Variants in TCF20 observed in about 807,000 individuals in gnomAD.
The protein encoded by TCF20 is transcription factor 20.
A neutral mutation model predicts 148.6 loss-of-function variants in TCF20; 3 were observed. That is an observed-to-expected ratio of 0.02 (90% CI 0.01 to 0.05). The LOEUF (loss-of-function observed/expected upper bound fraction) is 0.05. Among genes scored for constraint, TCF20 ranks in the 10% least tolerant of loss-of-function variants. TCF20 has a pLI of 1.00. For synonymous variants in TCF20, 1,049 were observed against 909.5 expected, an observed-to-expected ratio of 1.15 and a Z score of -2.76; for missense variants, 2,350 against 2,429.3, an observed-to-expected ratio of 0.97 and a Z score of 0.69.
intron 3 of TCF20, among the ~76,000 whole-genome samples, chr22:42,171,381 T>C (rs762547465): frequency 3.9e-5 from 6 of 152,196 alleles, no homozygotes; most frequent in African/African-American, 9.7e-5. Flanking sequence ...TCAAGTGCAA[T>C]AGTAATAAGC....
chr22:42,190,449 G>C (rs546867651), intron 2 of TCF20, among the ~76,000 whole-genome samples: 1 of 134,088 alleles, frequency 7.5e-6, no homozygotes, highest in African/African-American at 2.6e-5. Flanking sequence ...GACAGGGCAA[G>C]ACCTTGACTG....
intron 1 of TCF20, among the ~76,000 whole-genome samples, chr22:42,239,053 G>A (rs1924145474): frequency 6.6e-6 from 1 of 152,056 alleles, no homozygotes; most frequent in Non-Finnish European, 1.5e-5. Flanking sequence ...GGCAGGCAGA[G>A]CTTGCAGTGA....
intron 1 of TCF20, among the ~76,000 whole-genome samples, chr22:42,324,720 A>AATAATCTCCACCATCTGAGAAT (rs1361925603): frequency 6.6e-6 from 1 of 152,236 alleles, no homozygotes; most frequent in East Asian, 1.9e-4. Context: ...CATCTGAGAA[A>AATAATCTCCACCATCTGAGAAT]ATAATCTCCA....
chr22:42,177,444 T>C (rs1324716478), intron 3 of TCF20, among the ~76,000 whole-genome samples: 1 of 151,966 alleles, frequency 6.6e-6, no homozygotes, highest in Non-Finnish European at 1.5e-5. Flanking sequence ...CTTAATAAAC[T>C]TGAAATTAAC....
chr22:42,187,252 TC>T (rs915330186), intron 2 of TCF20, among the ~76,000 whole-genome samples: 3 of 152,120 alleles, frequency 2.0e-5, no homozygotes, highest in African/African-American at 7.2e-5. Flanking sequence ...GTCATCTGCT[TC>T]CCTCCAATAC....
chr22:42,280,323 A>T (rs969689643), intron 1 of TCF20, among the ~76,000 whole-genome samples: 2 of 151,994 alleles, frequency 1.3e-5, no homozygotes, highest in African/African-American at 4.8e-5. Context: ...TGTGTAGGTG[A>T]CTCCGCCACG....
chr22:42,189,709 CT>C (rs1465662033), intron 2 of TCF20, among the ~76,000 whole-genome samples: 1 of 152,198 alleles, frequency 6.6e-6, no homozygotes, highest in Non-Finnish European at 1.5e-5. Flanking sequence ...TGCTAGCAAG[CT>C]TTTTTTCCGT....
chr22:42,208,029 A>G (rs1461965828), intron 2 of TCF20, among the ~76,000 whole-genome samples: 8 of 152,214 alleles, frequency 5.3e-5, no homozygotes, highest in Non-Finnish European at 4.4e-5. Context: ...CTGTCTCTAC[A>G]AAAAGTAAAA....
chr22:42,211,008 G>T lies in TCF20; in HGVS notation c.4298C>A (p.Ser1433Tyr). 3.7e-6 allele frequency: 6 copies of T among 1,614,138 alleles called. No individual in the cohort carries two copies. The highest frequency in any genetic ancestry group is 5.1e-6 in the Non-Finnish European group (6 of 1,180,036). Residue 1433 changes from serine (S) to tyrosine (Y), a missense_variant, in exon 2 of 6, where the codon TCT becomes TAT. Physicochemically the swap from Ser to Tyr is moderately radical, Grantham distance 144. Around this residue, in one of 7 missense-constraint regions of TCF20, gnomAD observed 231 missense variants for 213.7 expected, o/e 1.08. Transcript: ENST00000677622. ...CACGCTGCCACGCCACTCTTCTGAA[G>T]ACCTTGGAAGAGGTTTCTCTACGTG... ...ELHVEKPLPRSSEEWRGSVDD... is the reference protein window; with the variant it reads ...ELHVEKPLPRYSEEWRGSVDD...
intron 1 of TCF20, among the ~76,000 whole-genome samples, chr22:42,233,179 C>G (rs1923588103): frequency 6.6e-6 from 1 of 152,160 alleles, no homozygotes; most frequent in Non-Finnish European, 1.5e-5. Context: ...GCCTCGGCCT[C>G]CCAAAGTGCT....
chr22:42,163,193 C>T (rs1448216772), intron 5 of TCF20, among the ~76,000 whole-genome samples: 3 of 152,206 alleles, frequency 2.0e-5, no homozygotes, highest in East Asian at 1.9e-4. Flanking sequence ...GACCCCACAC[C>T]AGCTCCCCAG....
intron 2 of TCF20, among the ~76,000 whole-genome samples, chr22:42,189,736 CTAAAG>C (rs913320406): frequency 6.6e-6 from 1 of 152,172 alleles, no homozygotes; most frequent in African/African-American, 2.4e-5. Flanking sequence ...TTTACTTCTC[CTAAAG>C]TAGAGGACAA....
At chr22:42,194,075 C>CA (rs1343436477) in intron 2 of TCF20, among the ~76,000 whole-genome samples, 1 of 152,154 alleles carries the variant, frequency 6.6e-6, no homozygotes, top group African/African-American at 2.4e-5. Flanking sequence ...CTAAAGGCAA[C>CA]AACTGGGTGT....
In TCF20 at chr22:42,257,061, G is replaced by A. The variant is rs374571772; in HGVS notation, c.-37+13278C>T. On this transcript the variant is annotated intron_variant, in intron 1 of 5. Transcript: ENST00000677622. ...TGTAGTCGCAGATACTCAGGAGGCC[G>A]AGGAAGGAAGATCATTTGAGTCCAG... Among the ~76,000 whole-genome samples the A allele has an allele frequency of 1.6e-4, 25 of 152,294 alleles. No homozygotes were observed. The East Asian group carries it at 4.4e-3, about 27-fold the overall frequency.
chr22:42,335,744 C>T (rs1466000745), intron 1 of TCF20, among the ~76,000 whole-genome samples: 3 of 152,122 alleles, frequency 2.0e-5, no homozygotes, highest in Non-Finnish European at 4.4e-5. Context: ...GGCAGAAGCA[C>T]AGGACGTGAG....
At chr22:42,252,793 G>A (rs1464091726) in intron 1 of TCF20, among the ~76,000 whole-genome samples, 1 of 151,804 alleles carries the variant, frequency 6.6e-6, no homozygotes, top group Non-Finnish European at 1.5e-5. Context: ...TAACAATCTT[G>A]GCATTTTTAA....
chr22:42,181,164 C>T (rs1005864094), intron 2 of TCF20, among the ~76,000 whole-genome samples: 1 of 152,160 alleles, frequency 6.6e-6, no homozygotes, highest in Non-Finnish European at 1.5e-5. Context: ...CCATCGGTGG[C>T]CAACCTGCAG....
At chr22:42,189,149 G>A (rs1047922308) in intron 2 of TCF20, among the ~76,000 whole-genome samples, 5 of 152,216 alleles carry the variant, frequency 3.3e-5, no homozygotes, top group African/African-American at 1.2e-4. Flanking sequence ...GCTGGGTTAG[G>A]GATGATATGG....
chr22:42,307,325 C>A (rs1025588211), intron 1 of TCF20, among the ~76,000 whole-genome samples: 2 of 152,244 alleles, frequency 1.3e-5, no homozygotes, highest in Non-Finnish European at 2.9e-5. Context: ...CCTTCATTCC[C>A]TGCCTTCCAT....
Sources: gnomAD v4.1 joint callset for allele counts (sites outside exome capture counted in the v4.1 genomes callset) on GRCh38, gnomAD v4.1.1 for gene constraint, gnomAD v4.1.1 regional missense constraint, MANE v1.5 for transcripts, NCBI Gene and HGNC (gene_info 2026-07-23, HGNC 2026-07-21) for gene names.